Variants in TTC7A observed in about 807,000 individuals in gnomAD.
The protein encoded by TTC7A is tetratricopeptide repeat domain 7A.
A neutral mutation model predicts 103.7 loss-of-function variants in TTC7A; 110 were observed. The ratio of observed to expected loss-of-function variants is 1.06; its 90% CI spans 0.91 to 1.24. The LOEUF (loss-of-function observed/expected upper bound fraction) is 1.24. Ranked by LOEUF, TTC7A falls within the 50% of genes most tolerant of loss-of-function variation. TTC7A has a pLI of 0.00. For synonymous variants in TTC7A, 521 were observed against 467.9 expected (o/e 1.11, Z -1.47); for missense variants, 1,340 against 1,116.3 (o/e 1.20, Z -2.86).
intron 15 of TTC7A, among the ~76,000 whole-genome samples, chr2:47,029,880 G>T (rs758789890): frequency 6.6e-6 from 1 of 152,202 alleles, no homozygotes; most frequent in South Asian, 2.1e-4. Flanking sequence ...TCAGCCAGAT[G>T]TCCCACTTCT....
At chr2:46,929,145 T>G (rs115878426) in intron 2 of TTC7A, among the ~76,000 whole-genome samples, 2 of 151,608 alleles carry the variant, frequency 1.3e-5, no homozygotes, top group Non-Finnish European at 1.5e-5. Context: ...CCTGGGGCAA[T>G]AGAGTGGGAC....
intron 3 of TTC7A, chr2:46,958,576 G>C: frequency 7.7e-7 from 1 of 1,298,608 alleles, no homozygotes; most frequent in Non-Finnish European, 1.0e-6. Context: ...CGCTGCCGGC[G>C]CGGGCTGCTT....
chr2:47,053,892 T>G (rs1683107525), intron 18 of TTC7A, among the ~76,000 whole-genome samples: 1 of 152,244 alleles, frequency 6.6e-6, no homozygotes, highest in African/African-American at 2.4e-5. Flanking sequence ...CTTGTTTGTT[T>G]ACTACCATCA....
intron 2 of TTC7A, among the ~76,000 whole-genome samples, chr2:46,955,243 C>G (rs999622177): frequency 2.6e-5 from 4 of 151,100 alleles, no homozygotes; most frequent in Non-Finnish European, 4.4e-5. Context: ...GAAATGAGCC[C>G]GTGGCTTGAG....
In TTC7A at chr2:47,021,059, C is replaced by T. The variant is rs77095003; in HGVS notation, c.1393-803C>T. ...GTCTCTTGCTGTGGGTGGGTCAGTGCCAGTCTTAGTGACAGAGGAAGCATC... is the reference window on the plus strand; with the variant it reads ...GTCTCTTGCTGTGGGTGGGTCAGTGTCAGTCTTAGTGACAGAGGAAGCATC... On this transcript the variant is annotated intron_variant, in intron 11 of 19. Coordinates refer to ENST00000319190, the MANE Select transcript of TTC7A (RefSeq NM_020458.4). Among the ~76,000 whole-genome samples, 345 of 152,306 alleles carry T rather than the reference C, an allele frequency of 2.3e-3. 1 individual carries two copies. Among genetic ancestry groups the T allele is most frequent in the Non-Finnish European group, 4.0e-3 (269 of 68,024 alleles).
At chr2:46,917,123 T>C in intron 1 of TTC7A, 1 of 693,794 alleles carries the variant, frequency 1.4e-6, no homozygotes, top group South Asian at 1.5e-5. Flanking sequence ...GAGATTGAAA[T>C]CTGCCACCCC....
intron 5 of TTC7A, among the ~76,000 whole-genome samples, chr2:46,986,956 G>T (rs1167070032): frequency 2.0e-5 from 3 of 152,236 alleles, no homozygotes; most frequent in Non-Finnish European, 4.4e-5. Flanking sequence ...TTCCTCATCA[G>T]AATGTCTGAG....
intron 8 of TTC7A, among the ~76,000 whole-genome samples, chr2:47,000,955 T>C (rs947204020): frequency 6.6e-6 from 1 of 152,098 alleles, no homozygotes; most frequent in Non-Finnish European, 1.5e-5. Context: ...GATGAGGCTA[T>C]TGGGCACTTC....
chr2:46,990,149 T>C (rs1177514315), intron 5 of TTC7A, among the ~76,000 whole-genome samples: 2 of 152,228 alleles, frequency 1.3e-5, no homozygotes, highest in African/African-American at 2.4e-5. Context: ...TGTCCTAGAC[T>C]GATGTCCCAG....
rs569979408 is a variant in TTC7A, at chr2:46,975,089, C to G, written c.634C>G (p.Gln212Glu). ...RASWIAQVFL[Q>E]ELEKTTNNST... ...CTCCTGGATCGCTCAGGTGTTCCTG[C>G]AGGAATTGGAGAAGGTGAGCTGGAA... The change falls in exon 4 of 20, where the codon CAG becomes GAG. Residue 212 changes from glutamine to glutamate, a missense_variant. By Grantham distance (29) the Gln-to-Glu change is conservative. Transcript: ENST00000319190. The G allele has an allele frequency of 6.2e-7, 1 of 1,613,748 alleles. No homozygotes were observed. Among genetic ancestry groups the G allele is most frequent in the Non-Finnish European group, 8.5e-7 (1 of 1,179,762 alleles).
At chr2:46,929,782 GGGCATT>G (rs1248378562) in intron 2 of TTC7A, among the ~76,000 whole-genome samples, 2 of 152,204 alleles carry the variant, frequency 1.3e-5, no homozygotes, top group Non-Finnish European at 2.9e-5. Context: ...GCCCATCTCT[GGGCATT>G]GGTATTAGGC....
chr2:47,068,862 CA>C (rs201835431), intron 19 of TTC7A, among the ~76,000 whole-genome samples: 161 of 69,804 alleles, frequency 2.3e-3, no homozygotes, highest in Middle Eastern at 0.023. Context: ...TCAATTTTTT[CA>C]AAAAAAAAAA....
At chr2:46,983,158 T>G (rs1445521538) in intron 5 of TTC7A, among the ~76,000 whole-genome samples, 1 of 152,056 alleles carries the variant, frequency 6.6e-6, no homozygotes, top group Non-Finnish European at 1.5e-5. Flanking sequence ...GGTGGTGGTG[T>G]CTCTGTTTGG....
chr2:46,998,930 G>A (rs1676501086), intron 8 of TTC7A, among the ~76,000 whole-genome samples: 1 of 152,202 alleles, frequency 6.6e-6, no homozygotes, highest in African/African-American at 2.4e-5. Context: ...GAGGATATAA[G>A]ATATAACTGG....
chr2:46,932,266 C>T (rs1669745904), intron 2 of TTC7A, among the ~76,000 whole-genome samples: 1 of 151,918 alleles, frequency 6.6e-6, no homozygotes, highest in Non-Finnish European at 1.5e-5. Flanking sequence ...TCCTGTGCCT[C>T]AGCCTCCCAA....
intron 8 of TTC7A, among the ~76,000 whole-genome samples, chr2:47,001,258 C>T (rs1269978712): frequency 6.6e-6 from 1 of 152,186 alleles, no homozygotes; most frequent in Non-Finnish European, 1.5e-5. Flanking sequence ...GAGGTTAGTG[C>T]TGCCTGTGGC....
chr2:46,962,272 G>C (rs1031526942), intron 3 of TTC7A, among the ~76,000 whole-genome samples: 5 of 152,168 alleles, frequency 3.3e-5, no homozygotes, highest in Admixed American at 2.6e-4. Context: ...ACACAGTTCA[G>C]TGTGTCCTGT....
chr2:47,052,012 C>T (rs543633261), intron 18 of TTC7A, 132 bp downstream of exon 18: 18 of 1,189,716 alleles, frequency 1.5e-5, no homozygotes, highest in Admixed American at 8.2e-5. Context: ...ACAGAGTCCT[C>T]GCCTCTGGCT....
In TTC7A at chr2:47,006,156, C is replaced by T. The variant is rs569304760; in HGVS notation, c.1203+97C>T. 141 of 1,489,974 alleles carry T rather than the reference C, an allele frequency of 9.5e-5. No homozygotes were observed. In the African/African-American group the frequency reaches 1.5e-3, roughly 15 times the overall value. 92.3% of individuals were successfully genotyped at this position (1,489,974 alleles called of 1,614,324 possible). A position where few individuals can be genotyped will look rare whatever the true frequency, so the allele number is the denominator to read the frequency against. On this transcript the variant is annotated intron_variant, in intron 9 of 19. Coordinates refer to ENST00000319190, the MANE Select transcript of TTC7A (RefSeq NM_020458.4). ...TTTGTCCCTTCTCCACCTGTCATTCCCCTGCCAGGCTGCTCTGCCGCTTTG... is the reference window on the plus strand; with the variant it reads ...TTTGTCCCTTCTCCACCTGTCATTCTCCTGCCAGGCTGCTCTGCCGCTTTG...
Sources: allele counts gnomAD v4.1 joint callset (sites outside exome capture counted in the v4.1 genomes callset), GRCh38; gene constraint gnomAD v4.1.1; transcripts MANE v1.5; gene names NCBI Gene and HGNC (gene_info 2026-07-23, HGNC 2026-07-21).